NBPF9: variants seen among roughly 807,000 people sequenced by gnomAD.
The protein encoded by NBPF9 is NBPF family member NBPF9.
A neutral mutation model predicts 97.8 loss-of-function variants in NBPF9; 91 were observed. The observed-to-expected ratio is 0.93, with a 90% CI of 0.79 to 1.11. The LOEUF (loss-of-function observed/expected upper bound fraction) is 1.11. Ranked by LOEUF, NBPF9 falls within the 50% of genes least tolerant of loss-of-function variation. NBPF9 has a pLI of 0.00. For missense variants in NBPF9, 992 were observed against 939.5 expected, an observed-to-expected ratio of 1.06 and a Z score of -0.73; for synonymous variants, 334 against 359.5, an observed-to-expected ratio of 0.93 and a Z score of 0.80.
intron 8 of NBPF9, among the ~76,000 whole-genome samples, 155 bp downstream of exon 8, chr1:149,079,898 T>C (rs1328671635): frequency 1.3e-5 from 2 of 152,298 alleles, no homozygotes; most frequent in African/African-American, 4.8e-5. Context: ...ATTATTATCC[T>C]TGTTCTCTGA....
At chr1:149,076,955 T>G (rs1205705290) in intron 11 of NBPF9, among the ~76,000 whole-genome samples, 1 of 151,264 alleles carries the variant, frequency 6.6e-6, no homozygotes, top group Admixed American at 6.6e-5. Context: ...GCACCATGCC[T>G]GCCTAATTTT....
chr1:149,081,963 A>T lies in NBPF9; in HGVS notation c.175+2T>A. The T allele has an allele frequency of 6.4e-7, 1 of 1,568,180 alleles. No individual in the cohort carries two copies. The highest frequency in any genetic ancestry group is 2.2e-5 in the East Asian group (1 of 44,474). On this transcript the variant is annotated splice_donor_variant, in intron 7 of 29. Coordinates refer to ENST00000584027, the Ensembl canonical transcript of NBPF9. LOFTEE classifies it high-confidence loss of function. ...TCATGACGGTGAGCCTATAGATCTT[A>T]CTGTATTTCTTCTGTCGGTTGGCCA...
intron 5 of NBPF9, among the ~76,000 whole-genome samples, chr1:149,084,440 A>G (rs190257236): frequency 2.0e-5 from 3 of 147,308 alleles, no homozygotes; most frequent in African/African-American, 5.0e-5. Context: ...ATATATATAT[A>G]TATTTTTCTT....
Position 149,059,630 on chromosome 1 carries a change from C to T in NBPF9, c.2585+70G>A. 2 of 542,668 alleles carry T rather than the reference C, an allele frequency of 3.7e-6. 1 individual carries two copies. Among genetic ancestry groups the T allele is most frequent in the Admixed American group, 5.1e-5 (2 of 39,576 alleles). The allele number at this position is 542,668 out of a possible 1,614,324, so 33.6% of individuals were successfully genotyped here. A position where few individuals can be genotyped will look rare whatever the true frequency, so the allele number is the denominator to read the frequency against. The stretch of plus-strand genomic sequence containing the variant: ...TTGAAAACGTGACATCAAACACACT[C>T]TGGTTTCCCTGAATCTGTTGCCTCC... On this transcript the variant is annotated intron_variant, in intron 25 of 29. Coordinates refer to ENST00000584027, the Ensembl canonical transcript of NBPF9.
chr1:149,070,870 G>A, intron 16 of NBPF9, 64 bp downstream of exon 16: 1 of 1,311,740 alleles, frequency 7.6e-7, no homozygotes, highest in Admixed American at 1.8e-5. Context: ...TATAGAGCCT[G>A]TCTTCAGAGT....
intron 3 of NBPF9, among the ~76,000 whole-genome samples, chr1:149,099,422 G>C (rs1411068696): frequency 5.9e-5 from 9 of 152,216 alleles, no homozygotes; most frequent in East Asian, 1.9e-4. Flanking sequence ...GACACTTGGA[G>C]ATTGTTGAAT....
Position 149,087,493 on chromosome 1 carries a change from T to C in NBPF9, c.-195+3260A>G, listed in dbSNP as rs1420253700. ...TTTTCAACAAAACACATAATCTTGA[T>C]TTTCATAGCTGTAGAGTAATTCTGG... On this transcript the variant is annotated intron_variant, in intron 5 of 29. Coordinates refer to ENST00000584027, the Ensembl canonical transcript of NBPF9. Among the ~76,000 whole-genome samples the C allele has an allele frequency of 3.5e-4, 53 of 150,626 alleles. 1 individual carries two copies. The highest frequency in any genetic ancestry group is 4.4e-5 in the Non-Finnish European group (3 of 67,756).
chr1:149,084,305 AC>A (rs2080797446), intron 5 of NBPF9, among the ~76,000 whole-genome samples: 1 of 147,460 alleles, frequency 6.8e-6, no homozygotes, highest in African/African-American at 2.5e-5. Context: ...ACATGTATAC[AC>A]GTATATATAA....
At chr1:149,076,396 C>A (rs1473646513) in intron 11 of NBPF9, among the ~76,000 whole-genome samples, 3 of 151,098 alleles carry the variant, frequency 2.0e-5, no homozygotes, top group Admixed American at 2.0e-4. Context: ...GGGGTTTCGC[C>A]ATCTTGGACA....
At chr1:149,099,498 C>G (rs1396100222) in intron 3 of NBPF9, among the ~76,000 whole-genome samples, 1 of 152,010 alleles carries the variant, frequency 6.6e-6, no homozygotes, top group African/African-American at 2.4e-5. Flanking sequence ...CTGTTTCATG[C>G]CAGGCAAGGT....
intron 22 of NBPF9, 45 bp from the exon 23 acceptor site, chr1:149,061,428 C>T: frequency 2.6e-6 from 1 of 388,402 alleles, no homozygotes; most frequent in Non-Finnish European, 4.5e-6. Context: ...GCCAATTCAC[C>T]TACACCCATA....
At chr1:149,056,275 C>T (rs1218729310) in intron 29 of NBPF9, among the ~76,000 whole-genome samples, 9 of 135,670 alleles carry the variant, frequency 6.6e-5, no homozygotes, top group African/African-American at 2.5e-4. Context: ...AAATTCGATG[C>T]AGTGGCCATG....
intron 16 of NBPF9, 80 bp downstream of exon 16, chr1:149,070,854 T>G: frequency 7.7e-7 from 1 of 1,306,564 alleles, no homozygotes; most frequent in Non-Finnish European, 1.1e-6. Flanking sequence ...CAAATGAATT[T>G]GTGTTTATAG....
chr1:149,057,704 GACAC>G (rs879952249), intron 27 of NBPF9, among the ~76,000 whole-genome samples, 197 bp from the exon 28 acceptor site: 217 of 27,730 alleles, frequency 7.8e-3, no homozygotes, highest in East Asian at 0.058. Flanking sequence ...AAGACAGATA[GACAC>G]ACACACACAC....
intron 5 of NBPF9, among the ~76,000 whole-genome samples, chr1:149,085,208 AAAACTTTTTTT>A (rs2080890907): frequency 6.6e-6 from 1 of 152,026 alleles, no homozygotes; most frequent in South Asian, 2.1e-4. Flanking sequence ...GTGTGGCTGG[AAAACTTTTTTT>A]TGATAGATTT....
chr1:149,086,156 G>T (rs1304964153), intron 5 of NBPF9, among the ~76,000 whole-genome samples: 2 of 149,516 alleles, frequency 1.3e-5, no homozygotes, highest in Admixed American at 6.7e-5. Context: ...ATCATTCCGC[G>T]TTTGGGCTAT....
At chr1:149,089,209 G>A (rs1288504900) in intron 5 of NBPF9, among the ~76,000 whole-genome samples, 13 of 152,146 alleles carry the variant, frequency 8.5e-5, no homozygotes, top group East Asian at 1.9e-4. Context: ...ACCTTTACAC[G>A]CACACCGCTG....
intron 12 of NBPF9, among the ~76,000 whole-genome samples, chr1:149,074,412 C>T (rs1553653805): frequency 6.6e-6 from 1 of 151,316 alleles, no homozygotes; most frequent in African/African-American, 2.4e-5. Context: ...ACCATAAGGC[C>T]ATGAAGGAAA....
chr1:149,085,113 A>G (rs2080882294), intron 5 of NBPF9, among the ~76,000 whole-genome samples: 1 of 152,070 alleles, frequency 6.6e-6, no homozygotes, highest in Admixed American at 6.5e-5. Flanking sequence ...TCATCACTCC[A>G]CACACCTTAT....
Sources: gnomAD v4.1 joint callset for allele counts (sites outside exome capture counted in the v4.1 genomes callset) on GRCh38, gnomAD v4.1.1 for gene constraint, MANE v1.5 for transcripts, NCBI Gene and HGNC (gene_info 2026-07-23, HGNC 2026-07-21) for gene names.